Variants in INSC observed in about 807,000 individuals in gnomAD.
The protein encoded by INSC is protein inscuteable homolog.
Under a neutral mutation model 58.6 loss-of-function variants are expected in INSC, and 67 were observed. The observed-to-expected ratio is 1.14, with a 90% CI of 0.94 to 1.40. INSC has a LOEUF of 1.40. Ranked by LOEUF, INSC falls within the 40% of genes most tolerant of loss-of-function variation. The pLI is 0.00. For synonymous variants in INSC, 262 were observed against 276.1 expected (o/e 0.95, Z 0.51); for missense variants, 714 against 692.0 (o/e 1.03, Z -0.36).
At chr11:15,150,110 A>G (rs1848604741) in intron 2 of INSC, among the ~76,000 whole-genome samples, 1 of 152,118 alleles carries the variant, frequency 6.6e-6, no homozygotes, top group African/African-American at 2.4e-5. Flanking sequence ...AGAGGGTGGT[A>G]TTTCCTTTAA....
chr11:15,256,848 C>G, the INSC span, among the ~76,000 whole-genome samples: 1 of 152,118 alleles, frequency 6.6e-6, no homozygotes, highest in African/African-American at 2.4e-5. Flanking sequence ...GTCTCCTCCC[C>G]AAAGACCAGT....
chr11:15,124,417 C>T (rs955337168), intron 1 of INSC, among the ~76,000 whole-genome samples: 1 of 152,174 alleles, frequency 6.6e-6, no homozygotes, highest in African/African-American at 2.4e-5. Context: ...AGAGATTAGG[C>T]TCCTTATTCA....
In INSC at chr11:15,200,932, G is replaced by A. The variant is rs1850565847; in HGVS notation, c.802G>A (p.Val268Ile). Residue 268 changes from valine (V) to isoleucine (I), a missense_variant, in exon 7 of 13, where the codon GTC (valine) becomes ATC (isoleucine). Val to Ile is a conservative substitution (Grantham distance 29, BLOSUM62 3). Coordinates refer to ENST00000379556, the MANE Select transcript of INSC (RefSeq NM_001042536.3). ...CTCCATCTGCTGCGTGGAAGAGGGTGTCCACCAGCTGGAGAAGGTAAGGAC... is the reference window on the plus strand; with the variant it reads ...CTCCATCTGCTGCGTGGAAGAGGGTATCCACCAGCTGGAGAAGGTAAGGAC... The part of the protein sequence containing the change: ...LASICCVEEG[V>I]HQLEKVDGVL... 1 of 1,609,106 alleles carries A rather than the reference G, an allele frequency of 6.2e-7. No homozygotes were observed. The highest frequency in any genetic ancestry group is 8.5e-7 in the Non-Finnish European group (1 of 1,177,978).
At chr11:15,190,241 C>A (rs1850112949) in intron 5 of INSC, among the ~76,000 whole-genome samples, 2 of 152,322 alleles carry the variant, frequency 1.3e-5, no homozygotes, top group African/African-American at 4.8e-5. Flanking sequence ...ACCCTTGAAC[C>A]CATCACTCAG....
At chr11:15,114,829 G>A, upstream of INSC, 1 of 594,178 alleles carries the variant, frequency 1.7e-6, no homozygotes. Flanking sequence ...TTGGGAGGCT[G>A]CGACCGCCTC....
At chr11:15,236,700 G>A (rs571721694) in intron 10 of INSC, among the ~76,000 whole-genome samples, 199 of 152,318 alleles carry the variant, frequency 1.3e-3, no homozygotes, top group African/African-American at 4.4e-3. Context: ...GGAAATAAGG[G>A]AGCAATTAGC....
chr11:15,177,005 C>A, intron 3 of INSC, 106 bp from the exon 4 acceptor site: 1 of 896,620 alleles, frequency 1.1e-6, no homozygotes, highest in Non-Finnish European at 1.9e-6. Flanking sequence ...TTCCCCAAGT[C>A]ACATTAATTG....
At chr11:15,120,918 A>T (rs1847856354) in intron 1 of INSC, among the ~76,000 whole-genome samples, 1 of 151,302 alleles carries the variant, frequency 6.6e-6, no homozygotes, top group South Asian at 2.1e-4. Context: ...TGTTTACATG[A>T]TCTTCCATTT....
At chr11:15,125,318 A>G (rs1000863648) in intron 1 of INSC, among the ~76,000 whole-genome samples, 1 of 152,220 alleles carries the variant, frequency 6.6e-6, no homozygotes, top group Non-Finnish European at 1.5e-5. Flanking sequence ...GATCAATGCA[A>G]TAATGGGTGC....
rs573708106 is a variant in INSC, at chr11:15,238,623, T to G, written c.1238-296T>G. On this transcript the variant is annotated intron_variant, in intron 10 of 12. Transcript: ENST00000379556. The stretch of plus-strand genomic sequence containing the variant: ...GCTACTGGAAGGTTTTAGGGCATTA[T>G]GCATTTACTATGCATTTAGCACAGT... Among the ~76,000 whole-genome samples, 27 of 152,340 alleles carry G rather than the reference T, an allele frequency of 1.8e-4. No homozygotes were observed. In the South Asian group the frequency reaches 2.3e-3, roughly 13 times the overall value.
intron 1 of INSC, among the ~76,000 whole-genome samples, chr11:15,115,428 G>A (rs1264333557): frequency 6.6e-6 from 1 of 152,160 alleles, no homozygotes; most frequent in Non-Finnish European, 1.5e-5. Context: ...TTGGGGCTAG[G>A]GAGTGTTATC....
intron 7 of INSC, among the ~76,000 whole-genome samples, chr11:15,212,216 C>T (rs925343835): frequency 2.0e-5 from 3 of 152,178 alleles, no homozygotes; most frequent in Non-Finnish European, 2.9e-5. Context: ...ATTCTCCTGC[C>T]TCAGCCTCCT....
At chr11:15,232,780 C>T (rs535943806) in intron 9 of INSC, among the ~76,000 whole-genome samples, 154 of 152,172 alleles carry the variant, frequency 1.0e-3, no homozygotes, top group African/African-American at 2.5e-3. Context: ...GAGACTCAAA[C>T]GTGATTAAGG....
chr11:15,128,764 G>A (rs1216380554), intron 1 of INSC, among the ~76,000 whole-genome samples: 1 of 152,200 alleles, frequency 6.6e-6, no homozygotes, highest in South Asian at 2.1e-4. Context: ...AGGTGAGGGG[G>A]TAGGCTGGCC....
chr11:15,177,137 C>T lies in INSC; in HGVS notation c.429C>T (p.Cys143=), dbSNP rs1356778950. ...TTGAGAAGCTGCTAATGGAGAAATG[C>T]TCGGAGCTCTCGGCAGTCACAGAGA... ...GEIEKLLMEK[C]SELSAVTERC... is the part of the protein sequence containing the mutation. The change falls in exon 4 of 13, where the codon TGC becomes TGT. Residue 143 remains cysteine, a synonymous_variant. Transcript: ENST00000379556. 2 of 1,614,030 alleles carry T rather than the reference C, an allele frequency of 1.2e-6. No homozygotes were observed. The highest frequency in any genetic ancestry group is 1.7e-5 in the Admixed American group (1 of 60,018).
chr11:15,172,971 C>G (rs537311550), intron 2 of INSC, among the ~76,000 whole-genome samples: 24 of 152,182 alleles, frequency 1.6e-4, no homozygotes, highest in African/African-American at 5.8e-4. Context: ...GTAGAAAGCC[C>G]TAATACATTC....
At chr11:15,113,154 T>C (rs1275191901), upstream of INSC, among the ~76,000 whole-genome samples, 1 of 149,550 alleles carries the variant, frequency 6.7e-6, no homozygotes, top group East Asian at 2.0e-4. Flanking sequence ...TCTGTCTCTC[T>C]CTCTCTCTCT....
At chr11:15,203,432 T>A (rs896378989) in intron 7 of INSC, among the ~76,000 whole-genome samples, 6 of 151,906 alleles carry the variant, frequency 3.9e-5, no homozygotes, top group Non-Finnish European at 7.4e-5. Flanking sequence ...CTTACCCTGG[T>A]AAGAGCCCCT....
chr11:15,167,492 A>C (rs1849242480), intron 2 of INSC, among the ~76,000 whole-genome samples: 1 of 152,048 alleles, frequency 6.6e-6, no homozygotes, highest in Admixed American at 6.5e-5. Context: ...AAAGGGTCTC[A>C]CTTTGTCACC....
Sources: gnomAD v4.1 joint callset for allele counts (sites outside exome capture counted in the v4.1 genomes callset) on GRCh38, gnomAD v4.1.1 for gene constraint, MANE v1.5 for transcripts, NCBI Gene and HGNC (gene_info 2026-07-23, HGNC 2026-07-21) for gene names.